The following OSBPL11 variants were observed in gnomAD, a reference collection of about 807,000 sequenced individuals.
OSBPL11 encodes the protein oxysterol-binding protein-related protein 11.
In OSBPL11, 33 loss-of-function variants were observed where a neutral mutation model predicts 84.4. That is an observed-to-expected ratio of 0.39 (90% CI 0.30 to 0.52). The LOEUF (loss-of-function observed/expected upper bound fraction) is 0.52. Among genes scored for constraint, OSBPL11 ranks in the 20% least tolerant of loss-of-function variants. The probability of loss-of-function intolerance (pLI) is 0.72; values close to 1 mark genes in which losing one functional copy is unlikely to be tolerated. For synonymous variants in OSBPL11, 276 were observed against 310.2 expected, an observed-to-expected ratio of 0.89 and a Z score of 1.16; for missense variants, 736 against 901.1, an observed-to-expected ratio of 0.82 and a Z score of 2.35.
chr3:125,592,952 TG>T (rs1936620827), intron 1 of OSBPL11, among the ~76,000 whole-genome samples: 1 of 152,198 alleles, frequency 6.6e-6, no homozygotes, highest in Admixed American at 6.5e-5. Flanking sequence ...AACTTCACAA[TG>T]TTTTTTTAGA....
chr3:125,560,472 G>T lies in OSBPL11; in HGVS notation c.1062C>A (p.Asp354Glu). ...NADDEIEDTC[D>E]HKEDDLGAVE... Reference sequence around the variant, plus strand: ...CAGCTCCCAGGTCATCCTCTTTGTGGTCACATGTATCCTCTATCTCATCAT... The same window carrying T: ...CAGCTCCCAGGTCATCCTCTTTGTGTTCACATGTATCCTCTATCTCATCAT... Residue 354 changes from aspartate (D) to glutamate (E), a missense_variant, in exon 8 of 13, where the codon GAC becomes GAA. Physicochemically the swap from Asp to Glu is conservative, Grantham distance 45 (BLOSUM62 2). Transcript: ENST00000296220. 1 of 1,608,124 alleles carries T rather than the reference G, an allele frequency of 6.2e-7. No individual in the cohort carries two copies. The highest frequency in any genetic ancestry group is 8.5e-7 in the Non-Finnish European group (1 of 1,176,782).
chr3:125,565,112 G>A (rs931032065), intron 6 of OSBPL11, among the ~76,000 whole-genome samples: 8 of 152,250 alleles, frequency 5.3e-5, no homozygotes, highest in Middle Eastern at 3.4e-3. Context: ...AGCCATGGTG[G>A]CATGTGCCTG....
rs2107595575 is a variant in OSBPL11 at position 125,552,295 on chromosome 3, G to A, written c.1540C>T (p.Pro514Ser). The A allele has an allele frequency of 6.2e-7, 1 of 1,614,028 alleles. No homozygotes were observed. The highest frequency in any genetic ancestry group is 1.1e-5 in the South Asian group (1 of 91,068). Residue 514 changes from proline to serine, a missense_variant, in exon 9 of 13, where the codon CCA becomes TCA. This residue lies in a region of OSBPL11 where 579 missense variants were observed against 717.6 expected (regional missense o/e 0.81). Coordinates refer to ENST00000296220, the MANE Select transcript of OSBPL11 (RefSeq NM_022776.5). ...CATTCTGCATAAAATCCTGAGACTG[G>A]AGGATGATGAGAAACCTGCTCAGCA... Reference protein sequence around the residue: ...FVAEQVSHHPPVSGFYAECTE... With the variant: ...FVAEQVSHHPSVSGFYAECTE...
chr3:125,583,738 C>T (rs181541176), intron 1 of OSBPL11, among the ~76,000 whole-genome samples: 77 of 151,866 alleles, frequency 5.1e-4, no homozygotes, highest in Non-Finnish European at 9.4e-4. Flanking sequence ...TTATTAAATA[C>T]GTAAAATAAA....
At chr3:125,583,829 A>C (rs1337765380) in intron 1 of OSBPL11, among the ~76,000 whole-genome samples, 1 of 152,326 alleles carries the variant, frequency 6.6e-6, no homozygotes, top group South Asian at 2.1e-4. Context: ...TTTCTGCTAG[A>C]GTTCTTATAC....
chr3:125,560,198 T>C (rs1936054128), intron 8 of OSBPL11, among the ~76,000 whole-genome samples, 181 bp downstream of exon 8: 1 of 151,780 alleles, frequency 6.6e-6, no homozygotes, highest in South Asian at 2.1e-4. Context: ...GAAGTGGAGG[T>C]TGCAGTGAGC....
chr3:125,548,501 G>A (rs1414781517), intron 9 of OSBPL11, among the ~76,000 whole-genome samples: 1 of 151,896 alleles, frequency 6.6e-6, no homozygotes, highest in Non-Finnish European at 1.5e-5. Context: ...TATTCTAATG[G>A]AGAAAGGAGC....
At chr3:125,552,039 G>C (rs1329591952) in intron 9 of OSBPL11, 142 bp downstream of exon 9, 1 of 375,116 alleles carries the variant, frequency 2.7e-6, no homozygotes, top group Non-Finnish European at 4.2e-6. Flanking sequence ...GCCTGCTTGG[G>C]TTTCTCCCAA....
rs1168299621 is a variant in OSBPL11, at chr3:125,529,518, C to T, written c.*997G>A. The T allele has an allele frequency of 1.3e-5, 2 of 151,060 alleles. No homozygotes were observed. The highest frequency in any genetic ancestry group is 4.9e-5 in the African/African-American group (2 of 41,096). 9.4% of individuals were successfully genotyped at this position (151,060 alleles called of 1,614,324 possible). ...AGTTACACATATAAGTTTTGAATTACTGACAAATATGAATAGAATCATTTA... is the reference window on the plus strand; with the variant it reads ...AGTTACACATATAAGTTTTGAATTATTGACAAATATGAATAGAATCATTTA... On this transcript the variant is annotated 3_prime_UTR_variant, in exon 13 of 13. Coordinates refer to ENST00000296220, the MANE Select transcript of OSBPL11 (RefSeq NM_022776.5).
rs1417417116 is a variant in OSBPL11 at position 125,547,415 on chromosome 3, T to C, written c.1832A>G (p.Lys611Arg). ...ATTAAAATGTTCTTACCGATGCAGTTTGCCACCATAAAATGGCTTGGTATG... is the reference window on the plus strand; with the variant it reads ...ATTAAAATGTTCTTACCGATGCAGTCTGCCACCATAAAATGGCTTGGTATG... The part of the protein sequence containing the change: ...TFHTKPFYGG[K>R]LHRVTAEVKH... Residue 611 changes from lysine (K) to arginine (R), a missense_variant, in exon 10 of 13, where the codon AAA becomes AGA. By Grantham distance (26) the Lys-to-Arg change is conservative. This residue lies in a region of OSBPL11 where 579 missense variants were observed against 717.6 expected (regional missense o/e 0.81). Coordinates refer to ENST00000296220, the MANE Select transcript of OSBPL11 (RefSeq NM_022776.5). 7.4e-6 allele frequency: 12 copies of C among 1,613,184 alleles called. No homozygotes were observed. The highest frequency in any genetic ancestry group is 1.0e-5 in the Non-Finnish European group (12 of 1,179,686).
intron 4 of OSBPL11, among the ~76,000 whole-genome samples, chr3:125,578,310 A>C (rs1357690689): frequency 1.3e-5 from 2 of 152,214 alleles, no homozygotes; most frequent in Admixed American, 6.5e-5. Context: ...ATTTACATAA[A>C]ATGCCCAGAA....
intron 5 of OSBPL11, among the ~76,000 whole-genome samples, 193 bp from the exon 6 acceptor site, chr3:125,567,788 TTC>T (rs1936181940): frequency 6.7e-6 from 1 of 150,038 alleles, no homozygotes; most frequent in East Asian, 2.0e-4. Context: ...AGCCCAGGAG[TTC>T]AAGACCAGCC....
rs960250382 is a variant in OSBPL11 at position 125,529,181 on chromosome 3, T to C, written c.*1334A>G. On this transcript the variant is annotated 3_prime_UTR_variant, in exon 13 of 13. Coordinates refer to ENST00000296220, the MANE Select transcript of OSBPL11 (RefSeq NM_022776.5). ...GTTACACACACTGATTGGAAGACCA[T>C]ATCAGAAAAAACAGAGTAAGGCACC... 4 of 152,522 alleles carry C rather than the reference T, an allele frequency of 2.6e-5. No individual in the cohort carries two copies. Among genetic ancestry groups the C allele is most frequent in the African/African-American group, 7.2e-5 (3 of 41,436 alleles). The allele number at this position is 152,522 out of a possible 1,614,324, so 9.4% of individuals were successfully genotyped here. A position where few individuals can be genotyped will look rare whatever the true frequency, so the allele number is the denominator to read the frequency against.
At chr3:125,537,973 C>A (rs376893861) in intron 11 of OSBPL11, among the ~76,000 whole-genome samples, 4 of 152,150 alleles carry the variant, frequency 2.6e-5, no homozygotes, top group African/African-American at 9.7e-5. Flanking sequence ...ACACCTTTTC[C>A]CCAAAGAAGT....
intron 5 of OSBPL11, among the ~76,000 whole-genome samples, chr3:125,571,609 A>G (rs958700245): frequency 6.6e-6 from 1 of 152,220 alleles, no homozygotes; most frequent in Non-Finnish European, 1.5e-5. Flanking sequence ...CAGGTGCTCC[A>G]GCCATGGCTG....
At chr3:125,552,787 AAAGTCAC>A in intron 8 of OSBPL11, 108 bp from the exon 9 acceptor site, 2 of 1,279,026 alleles carry the variant, frequency 1.6e-6, no homozygotes, top group Non-Finnish European at 2.1e-6. Context: ...TATTAAAAAC[AAAGTCAC>A]AAAGAAAAAG....
At chr3:125,593,093 C>T (rs907514241) in intron 1 of OSBPL11, among the ~76,000 whole-genome samples, 1 of 152,188 alleles carries the variant, frequency 6.6e-6, no homozygotes, top group Non-Finnish European at 1.5e-5. Flanking sequence ...CACCTCACAA[C>T]CAACTTAATA....
intron 9 of OSBPL11, 144 bp downstream of exon 9, chr3:125,552,037 G>A (rs1935916652): frequency 2.8e-6 from 1 of 354,508 alleles, no homozygotes; most frequent in Non-Finnish European, 4.6e-6. Context: ...GTGCCTGCTT[G>A]GGTTTCTCCC....
chr3:125,550,740 T>C (rs1203145927), intron 9 of OSBPL11, among the ~76,000 whole-genome samples: 1 of 152,236 alleles, frequency 6.6e-6, no homozygotes, highest in Non-Finnish European at 1.5e-5. Context: ...TTTTGTTTCA[T>C]ATTCTTGGTC....
Sources: gnomAD v4.1 joint callset for allele counts (sites outside exome capture counted in the v4.1 genomes callset) on GRCh38, gnomAD v4.1.1 for gene constraint, gnomAD v4.1.1 regional missense constraint, MANE v1.5 for transcripts, NCBI Gene and HGNC (gene_info 2026-07-23, HGNC 2026-07-21) for gene names.